The following PLEKHA4 variants were observed in gnomAD, a reference collection of about 807,000 sequenced individuals.
The protein encoded by PLEKHA4 is pleckstrin homology domain-containing family A member 4.
A neutral mutation model predicts 94.7 loss-of-function variants in PLEKHA4; 73 were observed. The observed-to-expected ratio is 0.77, with a 90% CI of 0.64 to 0.94. The LOEUF (loss-of-function observed/expected upper bound fraction) is 0.94, where lower values mean the gene tolerates loss of function less well. PLEKHA4 is among the 40% of genes least tolerant of loss of function. PLEKHA4 has a pLI of 0.00. For synonymous variants in PLEKHA4, 449 were observed against 437.1 expected (o/e 1.03, Z -0.34); for missense variants, 1,049 against 1,054.1 (o/e 1.00, Z 0.07).
chr19:48,848,268 C>T (rs551242929), intron 13 of PLEKHA4, among the ~76,000 whole-genome samples: 179 of 151,248 alleles, frequency 1.2e-3, no homozygotes, highest in African/African-American at 4.2e-3. Flanking sequence ...GGGCGGATCA[C>T]GAGGTCAGGA....
chr19:48,845,057 A>AT (rs2122943567), intron 16 of PLEKHA4: 1 of 201,690 alleles, frequency 5.0e-6, no homozygotes, highest in South Asian at 8.4e-5. Flanking sequence ...AAGTGCTGGG[A>AT]TTACAGGCGT....
chr19:48,866,274 G>A (rs1035783951), intron 2 of PLEKHA4, among the ~76,000 whole-genome samples: 1 of 151,726 alleles, frequency 6.6e-6, no homozygotes, highest in African/African-American at 2.4e-5. Flanking sequence ...GGGGACGGGG[G>A]TCTCACTTTG....
At chr19:48,865,437 G>T in intron 3 of PLEKHA4, 66 bp downstream of exon 3, 2 of 1,221,668 alleles carry the variant, frequency 1.6e-6, no homozygotes, top group Non-Finnish European at 2.4e-6. Flanking sequence ...GGACTTGCAA[G>T]GAGAGAGACA....
At chr19:48,839,474 G>A (rs1340676352) in intron 17 of PLEKHA4, among the ~76,000 whole-genome samples, 2 of 152,096 alleles carry the variant, frequency 1.3e-5, no homozygotes, top group African/African-American at 2.4e-5. Flanking sequence ...GGAGTACAGT[G>A]GTGTGATCAT....
chr19:48,854,066 C>T lies in PLEKHA4; in HGVS notation c.1117G>A (p.Gly373Arg), dbSNP rs772559961. 2.5e-5 allele frequency: 40 copies of T among 1,614,046 alleles called. No homozygotes were observed. The highest frequency in any genetic ancestry group is 1.6e-4 in the South Asian group (15 of 91,092). The change falls in exon 11 of 20, where the codon GGG becomes AGG. Residue 373 changes from glycine (G) to arginine (R), a missense_variant. Transcript: ENST00000263265. The part of the protein sequence containing the change: ...ETDTLLTKLC[G>R]QDRLLRRLQE... Reference sequence around the variant, plus strand: ...AGCCTCCGCAGAAGCCGGTCCTGCCCGCACAACTTGGTCAGCAGCGTCTGG... The same window carrying T: ...AGCCTCCGCAGAAGCCGGTCCTGCCTGCACAACTTGGTCAGCAGCGTCTGG...
At chr19:48,841,338 C>T (rs1294721753) in intron 16 of PLEKHA4, 28 bp from the exon 17 acceptor site, 1 of 1,576,104 alleles carries the variant, frequency 6.3e-7, no homozygotes. Flanking sequence ...GTCCCAAGAC[C>T]CAACCTTTAG....
intron 17 of PLEKHA4, among the ~76,000 whole-genome samples, chr19:48,840,507 C>A (rs2035720613): frequency 1.3e-5 from 2 of 150,248 alleles, no homozygotes; most frequent in South Asian, 4.2e-4. Context: ...CTCACCACAA[C>A]CTCCACCTCC....
At chr19:48,856,445 C>T (rs1482232161) in intron 9 of PLEKHA4, among the ~76,000 whole-genome samples, 2 of 131,972 alleles carry the variant, frequency 1.5e-5, no homozygotes, top group Admixed American at 1.5e-4. Context: ...TTGGGCCAGG[C>T]GCAGTGGCTT....
chr19:48,864,498 C>T (rs976151943), intron 3 of PLEKHA4, among the ~76,000 whole-genome samples: 2 of 152,080 alleles, frequency 1.3e-5, no homozygotes, highest in Non-Finnish European at 2.9e-5. Flanking sequence ...GATAATTTTC[C>T]CTGACCAAAT....
chr19:48,848,638 CA>C (rs1166653344), intron 13 of PLEKHA4, among the ~76,000 whole-genome samples: 1 of 147,080 alleles, frequency 6.8e-6, no homozygotes, highest in Non-Finnish European at 1.5e-5. Flanking sequence ...ACTAAAAATA[CA>C]AAAAAAAATT....
chr19:48,843,061 C>T (rs2035827501), intron 16 of PLEKHA4, among the ~76,000 whole-genome samples: 1 of 152,212 alleles, frequency 6.6e-6, no homozygotes, highest in South Asian at 2.1e-4. Flanking sequence ...GCCCATGACA[C>T]ACCACTGAGA....
rs771153973 is a variant in PLEKHA4 at position 48,861,424 on chromosome 19, G to A, written c.343C>T (p.Arg115Ter). 37 of 1,613,744 alleles carry A rather than the reference G, an allele frequency of 2.3e-5. No individual in the cohort carries two copies. In the Middle Eastern group the frequency reaches 6.8e-4, roughly 30 times the overall value. The change falls in exon 5 of 20, where the codon CGA becomes TGA. Residue 115 changes from arginine (R) to a stop codon, truncating the protein, a stop_gained. Transcript: ENST00000263265. LOFTEE classifies it high-confidence loss of function. ...ACGGTGAAGGTGAAGCGCCGCCCTCGGGGGGCTCCCGGCCCATCTGGTCTA... is the reference window on the plus strand; with the variant it reads ...ACGGTGAAGGTGAAGCGCCGCCCTCAGGGGGCTCCCGGCCCATCTGGTCTA... Reference protein sequence around the residue: ...NIRPDGPGAPRGRRFTFTAEH... With the variant: ...NIRPDGPGAP
At chr19:48,858,617 A>C in intron 8 of PLEKHA4, among the ~76,000 whole-genome samples, 1 of 135,446 alleles carries the variant, frequency 7.4e-6, no homozygotes. Flanking sequence ...ACAGAGCAAG[A>C]CCTCAGTCTC....
At chr19:48,858,653 C>T (rs915121302) in intron 8 of PLEKHA4, among the ~76,000 whole-genome samples, 1 of 101,768 alleles carries the variant, frequency 9.8e-6, no homozygotes, top group Non-Finnish European at 1.8e-5. Context: ...AAGCAATGGC[C>T]GAAGACCAGC....
intron 12 of PLEKHA4, 77 bp downstream of exon 12, chr19:48,853,605 T>C: frequency 7.3e-7 from 1 of 1,373,742 alleles, no homozygotes; most frequent in African/African-American, 1.5e-5. Context: ...ATGAGCCCTC[T>C]GGGGCAGGTC....
At chr19:48,851,110 C>T (rs1318041866) in intron 13 of PLEKHA4, among the ~76,000 whole-genome samples, 1 of 152,034 alleles carries the variant, frequency 6.6e-6, no homozygotes, top group Non-Finnish European at 1.5e-5. Context: ...TACTGCACTC[C>T]AGCCTGGGCA....
chr19:48,839,409 G>A, intron 17 of PLEKHA4, 146 bp from the exon 18 acceptor site: 2 of 482,822 alleles, frequency 4.1e-6, no homozygotes, highest in South Asian at 4.6e-5. Flanking sequence ...TGCTTCTGTA[G>A]GCACTGAATT....
intron 8 of PLEKHA4, among the ~76,000 whole-genome samples, chr19:48,858,231 C>T (rs777053917): frequency 5.9e-5 from 9 of 152,168 alleles, no homozygotes; most frequent in Non-Finnish European, 1.0e-4. Flanking sequence ...AGGCAACCAA[C>T]TTGCAAGGTG....
intron 8 of PLEKHA4, among the ~76,000 whole-genome samples, chr19:48,858,172 A>G (rs547199885): frequency 8.9e-4 from 136 of 152,278 alleles, no homozygotes; most frequent in African/African-American, 3.2e-3. Flanking sequence ...ACTTGCAGTC[A>G]GCTGTGGATA....
Sources: gnomAD v4.1 joint callset for allele counts (sites outside exome capture counted in the v4.1 genomes callset) on GRCh38, gnomAD v4.1.1 for gene constraint, MANE v1.5 for transcripts, NCBI Gene and HGNC (gene_info 2026-07-23, HGNC 2026-07-21) for gene names.